The following AAR2 variants were observed in gnomAD, a reference collection of about 807,000 sequenced individuals.
AAR2 encodes AAR2 splicing factor, also known as protein AAR2 homolog.
In AAR2, 31 loss-of-function variants were observed where a neutral mutation model predicts 26.9. The observed-to-expected ratio is 1.15, with a 90% CI of 0.86 to 1.55. The LOEUF (loss-of-function observed/expected upper bound fraction) is 1.55. AAR2 is among the 40% of genes most tolerant of loss of function. The pLI is 0.00. For missense variants in AAR2, 430 were observed against 491.3 expected (o/e 0.88, Z 1.18); for synonymous variants, 188 against 196.1 (o/e 0.96, Z 0.34).
intron 1 of AAR2, among the ~76,000 whole-genome samples, chr20:36,237,450 G>A (rs536272406): frequency 5.2e-4 from 79 of 152,280 alleles, no homozygotes; most frequent in Non-Finnish European, 9.1e-4. Flanking sequence ...AGGACTGTGA[G>A]GAACTCACAG....
intron 3 of AAR2, among the ~76,000 whole-genome samples, chr20:36,248,535 G>T (rs898886908): frequency 5.3e-5 from 8 of 151,906 alleles, no homozygotes; most frequent in African/African-American, 1.9e-4. Flanking sequence ...ATGAGGTTTC[G>T]CCATGTTGGC....
At chr20:36,247,908 A>AC (rs879465891) in intron 3 of AAR2, among the ~76,000 whole-genome samples, 3 of 151,828 alleles carry the variant, frequency 2.0e-5, no homozygotes, top group African/African-American at 7.3e-5. Context: ...GTAAAAAAAA[A>AC]CACAATTTAA....
intron 3 of AAR2, among the ~76,000 whole-genome samples, chr20:36,247,664 T>TA (rs1015417006): frequency 7.2e-5 from 11 of 152,084 alleles, no homozygotes; most frequent in Non-Finnish European, 1.3e-4. Flanking sequence ...GGTCAGGAGT[T>TA]AGAGACCAGC....
At position 36,240,565 on chromosome 20, in the gene AAR2, A is replaced by G; in HGVS notation, c.697A>G (p.Ser233Gly). Residue 233 changes from serine (S) to glycine (G), a missense_variant, in exon 2 of 4, where the codon AGC becomes GGC. Coordinates refer to ENST00000320849, the MANE Select transcript of AAR2 (RefSeq NM_001271874.2). ...AEITKHSMDLSYALETVLNKQ... is the reference protein window; with the variant it reads ...AEITKHSMDLGYALETVLNKQ... ...GATAACCAAGCACAGCATGGACCTG[A>G]GCTATGCCCTGGAGACTGTGCTCAA... 6.2e-7 allele frequency: 1 copy of G among 1,613,692 alleles called. No individual in the cohort carries two copies. The highest frequency in any genetic ancestry group is 8.5e-7 in the Non-Finnish European group (1 of 1,180,038).
At position 36,244,764 on chromosome 20, in the gene AAR2, G is replaced by T; in HGVS notation, c.825G>T (p.Lys275Asn). Residue 275 changes from lysine to asparagine, a missense_variant, in exon 3 of 4, where the codon AAG becomes AAT. Physicochemically the swap from Lys to Asn is moderately conservative, Grantham distance 94 (BLOSUM62 0). Coordinates refer to ENST00000320849, the MANE Select transcript of AAR2 (RefSeq NM_001271874.2). ...GNVYEAFEHW[K>N]RLLNLLCRSE... is the part of the protein sequence containing the mutation. ...TGTACGAGGCATTTGAGCATTGGAA[G>T]CGGCTCCTGAACCTCCTGTGCCGGT... The T allele has an allele frequency of 6.2e-7, 1 of 1,614,200 alleles. No homozygotes were observed. Among genetic ancestry groups the T allele is most frequent in the Non-Finnish European group, 8.5e-7 (1 of 1,180,030 alleles).
rs776466542 is a variant in AAR2 at position 36,240,597 on chromosome 20, G to T, written c.729G>T (p.Gln243His). Residue 243 changes from glutamine (Q) to histidine (H), a missense_variant, in exon 2 of 4, where the codon CAG (glutamine) becomes CAT (histidine). Physicochemically the swap from Gln to His is conservative, Grantham distance 24. Transcript: ENST00000320849. ...CCCTGGAGACTGTGCTCAACAAGCA[G>T]TTCCCCAGCAGCCCCCAGGATGTGC... ...SYALETVLNK[Q>H]FPSSPQDVLG... The T allele has an allele frequency of 1.9e-6, 3 of 1,611,716 alleles. No homozygotes were observed. Among genetic ancestry groups the T allele is most frequent in the Non-Finnish European group, 2.5e-6 (3 of 1,178,956 alleles).
chr20:36,252,281 A>T (rs1440438986), intron 3 of AAR2, among the ~76,000 whole-genome samples: 1 of 152,176 alleles, frequency 6.6e-6, no homozygotes, highest in East Asian at 1.9e-4. Context: ...AGTGAACCCC[A>T]AATTGAGTCT....
In AAR2 at chr20:36,240,625, G is replaced by A. The variant is rs746029342; in HGVS notation, c.757G>A (p.Gly253Ser). ...CCCCAGCAGCCCCCAGGATGTGCTT[G>A]GTGAGAAGGAACAAGGCTCTTTGGG... is the stretch of plus-strand genomic sequence containing the variant. ...QFPSSPQDVL[G>S]ELQFAFVCFL... The change falls in exon 2 of 4, where the codon GGT becomes AGT. Residue 253 changes from glycine (G) to serine (S), a missense_variant and splice_region_variant. By Grantham distance (56) the Gly-to-Ser change is moderately conservative. Coordinates refer to ENST00000320849, the MANE Select transcript of AAR2 (RefSeq NM_001271874.2). 2.5e-6 allele frequency: 4 copies of A among 1,607,444 alleles called. No individual in the cohort carries two copies. The highest frequency in any genetic ancestry group is 3.4e-6 in the Non-Finnish European group (4 of 1,176,086).
chr20:36,240,738 G>A, intron 2 of AAR2, 113 bp downstream of exon 2: 1 of 1,372,666 alleles, frequency 7.3e-7, no homozygotes, highest in Non-Finnish European at 9.8e-7. Flanking sequence ...ACCTGGCTAG[G>A]AGGCTGAAGA....
At chr20:36,246,152 A>T (rs867217008) in intron 3 of AAR2, among the ~76,000 whole-genome samples, 3 of 152,298 alleles carry the variant, frequency 2.0e-5, no homozygotes, top group South Asian at 2.1e-4. Flanking sequence ...CAGGATTTGT[A>T]CCCAGGCCTG....
At chr20:36,248,011 T>G (rs949454803) in intron 3 of AAR2, among the ~76,000 whole-genome samples, 1 of 152,258 alleles carries the variant, frequency 6.6e-6, no homozygotes, top group African/African-American at 2.4e-5. Context: ...TTCTTCATCC[T>G]GCATAATTGA....
chr20:36,243,125 C>G (rs2064700443), intron 2 of AAR2, among the ~76,000 whole-genome samples: 1 of 152,178 alleles, frequency 6.6e-6, no homozygotes, highest in South Asian at 2.1e-4. Context: ...AGGGCTAGGA[C>G]TATCCCTGCC....
chr20:36,255,877 A>C lies in AAR2; in HGVS notation c.*132A>C. On this transcript the variant is annotated 3_prime_UTR_variant, in exon 4 of 4. Coordinates refer to ENST00000320849, the MANE Select transcript of AAR2 (RefSeq NM_001271874.2). ...CCAGGTCCTGCAAAGATGGAGCCAG[A>C]ATTCCCTTTTTCACTGATAAATATA... 1 of 1,166,506 alleles carries C rather than the reference A, an allele frequency of 8.6e-7. No homozygotes were observed. The highest frequency in any genetic ancestry group is 1.6e-5 in the South Asian group (1 of 62,660). The allele number at this position is 1,166,506 out of a possible 1,614,324, so 72.3% of individuals were successfully genotyped here.
At chr20:36,245,705 G>A (rs1418512665) in intron 3 of AAR2, among the ~76,000 whole-genome samples, 1 of 152,224 alleles carries the variant, frequency 6.6e-6, no homozygotes, top group Non-Finnish European at 1.5e-5. Flanking sequence ...CCCACTCGGG[G>A]TAACAGAAGG....
intron 3 of AAR2, among the ~76,000 whole-genome samples, chr20:36,251,944 G>A (rs1032045715): frequency 2.2e-4 from 33 of 152,212 alleles, no homozygotes; most frequent in African/African-American, 7.2e-4. Flanking sequence ...AGGTCATTCG[G>A]TGAGCACCCT....
At chr20:36,254,064 G>T (rs1289702583) in intron 3 of AAR2, among the ~76,000 whole-genome samples, 2 of 152,156 alleles carry the variant, frequency 1.3e-5, no homozygotes, top group African/African-American at 4.8e-5. Flanking sequence ...GGGAGTTCCC[G>T]TATGATCCAA....
chr20:36,248,876 G>A (rs1048141369), intron 3 of AAR2, among the ~76,000 whole-genome samples: 4 of 151,482 alleles, frequency 2.6e-5, no homozygotes, highest in South Asian at 2.1e-4. Flanking sequence ...GAAGGATATT[G>A]TAAAACTTTT....
intron 3 of AAR2, among the ~76,000 whole-genome samples, chr20:36,247,954 T>C (rs1292817937): frequency 2.0e-5 from 3 of 152,224 alleles, no homozygotes; most frequent in Admixed American, 6.5e-5. Context: ...CAGTGTTCAG[T>C]ACAGTATTAA....
In AAR2 at chr20:36,255,909, C is replaced by A. The variant is rs1053028653; in HGVS notation, c.*164C>A. 2 of 978,128 alleles carry A rather than the reference C, an allele frequency of 2.0e-6. No individual in the cohort carries two copies. The highest frequency in any genetic ancestry group is 5.8e-5 in the Admixed American group (2 of 34,218). 60.6% of individuals were successfully genotyped at this position (978,128 alleles called of 1,614,324 possible). On this transcript the variant is annotated 3_prime_UTR_variant, in exon 4 of 4. Transcript: ENST00000320849. Reference sequence around the variant, plus strand: ...TTTTTCACTGATAAATATATTTCTTCATTGCCAAAGAGGCTGTACCCATCC... The same window carrying A: ...TTTTTCACTGATAAATATATTTCTTAATTGCCAAAGAGGCTGTACCCATCC...
Sources: allele counts gnomAD v4.1 joint callset (sites outside exome capture counted in the v4.1 genomes callset), GRCh38; gene constraint gnomAD v4.1.1; transcripts MANE v1.5; gene names NCBI Gene and HGNC (gene_info 2026-07-23, HGNC 2026-07-21).